The following ENOX1 variants were observed in gnomAD, a reference collection of about 807,000 sequenced individuals.
ENOX1 encodes the protein candidate growth-related and time keeping constitutive hydroquinone (NADH) oxidase.
A neutral mutation model predicts 82.5 loss-of-function variants in ENOX1; 42 were observed. That is an observed-to-expected ratio of 0.51 (90% CI 0.40 to 0.66). ENOX1 has a LOEUF of 0.66. Ranked by LOEUF, ENOX1 falls within the 30% of genes least tolerant of loss-of-function variation. The probability of loss-of-function intolerance (pLI) is 0.00; values close to 1 mark genes in which losing one functional copy is unlikely to be tolerated. For missense variants in ENOX1, 608 were observed against 811.6 expected (o/e 0.75, Z 3.05); for synonymous variants, 271 against 282.2 (o/e 0.96, Z 0.40).
intron 3 of ENOX1, among the ~76,000 whole-genome samples, chr13:43,446,516 T>A (rs906599558): frequency 1.3e-5 from 2 of 152,156 alleles, no homozygotes; most frequent in Non-Finnish European, 2.9e-5. Flanking sequence ...AATGCTTAAA[T>A]GCCTACTGGG....
intron 3 of ENOX1, among the ~76,000 whole-genome samples, chr13:43,416,498 GATGGGTGGCC>G (rs2054581496): frequency 1.5e-5 from 2 of 129,212 alleles, no homozygotes; most frequent in Non-Finnish European, 3.3e-5. Flanking sequence ...CTTCCCAGAT[GATGGGTGGCC>G]GGGCAGAGGC....
At chr13:43,228,099 T>TA (rs754508254) in intron 15 of ENOX1, among the ~76,000 whole-genome samples, 2 of 123,294 alleles carry the variant, frequency 1.6e-5, no homozygotes, top group African/African-American at 5.6e-5. Context: ...TTGCAGCTTT[T>TA]TTTTTTTTTT....
rs772721017 is a variant in ENOX1, at chr13:43,344,551, C to A, written c.1023G>T (p.Gly341=). 6.2e-6 allele frequency: 10 copies of A among 1,613,840 alleles called. 1 individual carries two copies. In the South Asian group the frequency reaches 1.1e-4, roughly 18 times the overall value. ...AATTTTACTTACATTGAGTGAGAATCCCAGTTAAGGCATTTTTAAAATTCT... is the reference window on the plus strand; with the variant it reads ...AATTTTACTTACATTGAGTGAGAATACCAGTTAAGGCATTTTTAAAATTCT... ...AKENFKNALT[G]ILTQFEQIVA... The change falls in exon 9 of 17, where the codon GGG becomes GGT. Residue 341 remains glycine (G), a synonymous_variant. Coordinates refer to ENST00000690772, the MANE Select transcript of ENOX1 (RefSeq NM_001347969.2).
chr13:43,625,697 T>C (rs1352854930), intron 2 of ENOX1, among the ~76,000 whole-genome samples: 1 of 151,706 alleles, frequency 6.6e-6, no homozygotes, highest in African/African-American at 2.4e-5. Context: ...TAAATACCAC[T>C]AGGTTATGGT....
At chr13:43,715,661 C>T (rs533290418) in intron 1 of ENOX1, among the ~76,000 whole-genome samples, 15 of 152,058 alleles carry the variant, frequency 9.9e-5, no homozygotes, top group East Asian at 5.8e-4. Flanking sequence ...AGGCTTTGTT[C>T]GTTTCTTTTT....
chr13:43,634,574 C>T (rs1350597408), intron 2 of ENOX1, among the ~76,000 whole-genome samples: 1 of 152,132 alleles, frequency 6.6e-6, no homozygotes, highest in Non-Finnish European at 1.5e-5. Flanking sequence ...AGACGGCTGC[C>T]CAGGCTTTCT....
At chr13:43,226,018 G>A (rs1318644138) in intron 15 of ENOX1, among the ~76,000 whole-genome samples, 3 of 152,062 alleles carry the variant, frequency 2.0e-5, no homozygotes, top group Admixed American at 2.0e-4. Context: ...ATCTTTAAGT[G>A]GAAAAATAGC....
rs1952619181 is a variant in ENOX1, at chr13:43,786,336, G to C, written c.-285+316C>G. Reference sequence around the variant, plus strand: ...AGGTGACTGGCGCGCGGCGGGCGCGGAGCCCGGAGCTGACACTGGCTGGCG... The same window carrying C: ...AGGTGACTGGCGCGCGGCGGGCGCGCAGCCCGGAGCTGACACTGGCTGGCG... On this transcript the variant is annotated intron_variant, in intron 1 of 16. Transcript: ENST00000690772. The surrounding 1 kb of genome is among the most constrained non-coding windows in gnomAD (Gnocchi z 6.0). 6.6e-6 allele frequency among the ~76,000 whole-genome samples: 1 copy of C among 152,082 alleles called. No homozygotes were observed. Among genetic ancestry groups the C allele is most frequent in the Non-Finnish European group, 1.5e-5 (1 of 68,006 alleles).
At chr13:43,402,969 C>T (rs757053889) in intron 5 of ENOX1, among the ~76,000 whole-genome samples, 12 of 152,230 alleles carry the variant, frequency 7.9e-5, no homozygotes, top group Middle Eastern at 6.8e-3. Context: ...AGCTTCTCTA[C>T]TCCAGAGGAA....
chr13:43,584,909 T>C (rs1566577504), intron 2 of ENOX1, among the ~76,000 whole-genome samples: 1 of 152,210 alleles, frequency 6.6e-6, no homozygotes, highest in Non-Finnish European at 1.5e-5. Flanking sequence ...TGTCCCAGTT[T>C]GTTACCCCAT....
chr13:43,511,975 C>T (rs867893406), intron 2 of ENOX1, among the ~76,000 whole-genome samples: 2 of 151,924 alleles, frequency 1.3e-5, no homozygotes, highest in South Asian at 4.2e-4. Flanking sequence ...TATATATATA[C>T]ACTATGGACA....
At chr13:43,680,375 G>A (rs2085723659) in intron 1 of ENOX1, among the ~76,000 whole-genome samples, 1 of 152,154 alleles carries the variant, frequency 6.6e-6, no homozygotes, top group African/African-American at 2.4e-5. Flanking sequence ...GAGAAGTCAT[G>A]GACAACTCTC....
At chr13:43,735,467 C>G (rs1029498204) in intron 1 of ENOX1, among the ~76,000 whole-genome samples, 1 of 152,144 alleles carries the variant, frequency 6.6e-6, no homozygotes, top group Non-Finnish European at 1.5e-5. Context: ...TGCCTGTAAT[C>G]CCAGCACTTT....
At chr13:43,317,112 G>A (rs780577833) in intron 11 of ENOX1, among the ~76,000 whole-genome samples, 40 of 152,230 alleles carry the variant, frequency 2.6e-4, no homozygotes, top group Admixed American at 1.4e-3. Context: ...CTTGGGGTCT[G>A]CTGGCGCCCG....
intron 2 of ENOX1, among the ~76,000 whole-genome samples, chr13:43,580,039 C>A (rs1354995943): frequency 6.6e-6 from 1 of 152,014 alleles, no homozygotes; most frequent in Non-Finnish European, 1.5e-5. Context: ...AGTAATCATG[C>A]CTTTTTAAAA....
In ENOX1 at chr13:43,520,575, C is replaced by T. The variant is rs575373449; in HGVS notation, c.-218-36423G>A. Among the ~76,000 whole-genome samples, 6 of 152,256 alleles carry T rather than the reference C, an allele frequency of 3.9e-5. No individual in the cohort carries two copies. In the South Asian group the frequency reaches 1.2e-3, roughly 32 times the overall value. On this transcript the variant is annotated intron_variant, in intron 2 of 16. Coordinates refer to ENST00000690772, the MANE Select transcript of ENOX1 (RefSeq NM_001347969.2). ...TTCTTTTCACAGATCTTTTTATCTA[C>T]ATGGGGAACAGGATATAGACCCATG...
At chr13:43,509,744 A>T (rs761311241) in intron 2 of ENOX1, among the ~76,000 whole-genome samples, 3 of 152,098 alleles carry the variant, frequency 2.0e-5, no homozygotes, top group Non-Finnish European at 4.4e-5. Context: ...GAGGTTTTCC[A>T]ATGTCATTTG....
At chr13:43,440,788 T>C (rs1393669471) in intron 3 of ENOX1, among the ~76,000 whole-genome samples, 1 of 152,160 alleles carries the variant, frequency 6.6e-6, no homozygotes, top group Non-Finnish European at 1.5e-5. Flanking sequence ...ATACTAAATA[T>C]GAACCTCAAT....
At chr13:43,550,887 G>A (rs111831388) in intron 2 of ENOX1, among the ~76,000 whole-genome samples, 230 of 152,244 alleles carry the variant, frequency 1.5e-3, no homozygotes, top group African/African-American at 5.5e-3. Flanking sequence ...AGCAGTTTAC[G>A]TTATTAAGGA....
Sources: allele counts gnomAD v4.1 joint callset (sites outside exome capture counted in the v4.1 genomes callset), GRCh38; gene constraint gnomAD v4.1.1; non-coding constraint Gnocchi (gnomAD v3.1); transcripts MANE v1.5; gene names NCBI Gene and HGNC (gene_info 2026-07-23, HGNC 2026-07-21).